RBFOX1: variants seen among roughly 807,000 people sequenced by gnomAD.
The protein encoded by RBFOX1 is RNA binding fox-1 homolog 1.
RBFOX1 carries 8 observed loss-of-function variants against 57.7 expected under a neutral mutation model. The observed-to-expected ratio is 0.14, with a 90% confidence interval of 0.08 to 0.25. The LOEUF (loss-of-function observed/expected upper bound fraction) is 0.25. Ranked by LOEUF, RBFOX1 falls within the 10% of genes least tolerant of loss-of-function variation. The probability of loss-of-function intolerance (pLI) is 1.00; values close to 1 mark genes in which losing one functional copy is unlikely to be tolerated. For missense variants in RBFOX1, 611 were observed against 548.5 expected, an observed-to-expected ratio of 1.11 and a Z score of -1.14; for synonymous variants, 326 against 222.4, an observed-to-expected ratio of 1.47 and a Z score of -4.15.
chr16:7,455,269 C>G (rs150940034), intron 4 of RBFOX1, among the ~76,000 whole-genome samples: 1 of 152,102 alleles, frequency 6.6e-6, no homozygotes, highest in Non-Finnish European at 1.5e-5. Context: ...AATATGTATT[C>G]CTTGGATACA....
chr16:6,288,466 A>C (rs1178418624), intron 1 of RBFOX1, among the ~76,000 whole-genome samples: 1 of 152,188 alleles, frequency 6.6e-6, no homozygotes, highest in Non-Finnish European at 1.5e-5. Context: ...ATTTTAAACA[A>C]ATAAGGTCCA....
At chr16:6,837,829 T>A (rs1363392120) in intron 3 of RBFOX1, among the ~76,000 whole-genome samples, 1 of 152,138 alleles carries the variant, frequency 6.6e-6, no homozygotes, top group East Asian at 1.9e-4. Context: ...CACTTGGGAC[T>A]CCACTTCAGA....
At chr16:7,569,527 C>T (rs1224287758) in intron 5 of RBFOX1, among the ~76,000 whole-genome samples, 2 of 152,154 alleles carry the variant, frequency 1.3e-5, no homozygotes, top group Admixed American at 1.3e-4. Flanking sequence ...TTATACAGGG[C>T]CCACACAGGT....
intron 3 of RBFOX1, among the ~76,000 whole-genome samples, chr16:5,672,246 T>C (rs2050033764): frequency 6.6e-6 from 1 of 152,204 alleles, no homozygotes; most frequent in East Asian, 1.9e-4. Flanking sequence ...TTTGGAACTG[T>C]CTGGGCAGAT....
At chr16:6,042,287 G>T (rs1355637595) in intron 1 of RBFOX1, among the ~76,000 whole-genome samples, 1 of 151,930 alleles carries the variant, frequency 6.6e-6, no homozygotes, top group Non-Finnish European at 1.5e-5. Context: ...TTTTAGTAGA[G>T]ACAGGGTTTC....
At chr16:7,505,265 C>A (rs1379594990) in intron 4 of RBFOX1, among the ~76,000 whole-genome samples, 3 of 149,608 alleles carry the variant, frequency 2.0e-5, no homozygotes, top group African/African-American at 5.0e-5. Flanking sequence ...AAAAGGAAAC[C>A]AGACAAGGTT....
At chr16:7,154,686 TG>T (rs1567484791) in intron 4 of RBFOX1, among the ~76,000 whole-genome samples, 32 of 1,214 alleles carry the variant, frequency 0.026, no homozygotes, top group Non-Finnish European at 0.016. Context: ...CCTCTTCCTT[TG>T]TGTGTGTGTG....
At chr16:6,676,593 C>G (rs1473711753) in intron 3 of RBFOX1, among the ~76,000 whole-genome samples, 3 of 151,478 alleles carry the variant, frequency 2.0e-5, no homozygotes, top group East Asian at 1.9e-4. Context: ...ATAGGACCAG[C>G]TCGGAAAAAA....
At chr16:5,611,680 A>G (rs1391684213) in intron 3 of RBFOX1, among the ~76,000 whole-genome samples, 4 of 145,190 alleles carry the variant, frequency 2.8e-5, no homozygotes, top group Non-Finnish European at 6.1e-5. Context: ...TCATCCATCC[A>G]TCCACCCACT....
intron 3 of RBFOX1, among the ~76,000 whole-genome samples, chr16:6,661,561 G>A (rs1038779057): frequency 1.3e-5 from 2 of 152,284 alleles, no homozygotes; most frequent in East Asian, 1.9e-4. Context: ...GCACCAAGAA[G>A]GTACTTAAAC....
chr16:6,026,804 C>G (rs764661791), intron 1 of RBFOX1, among the ~76,000 whole-genome samples: 1 of 152,218 alleles, frequency 6.6e-6, no homozygotes, highest in African/African-American at 2.4e-5. Flanking sequence ...TATCTAGGCT[C>G]ACGCTCTGAG....
At chr16:5,544,828 C>T (rs1308381626) in intron 2 of RBFOX1, among the ~76,000 whole-genome samples, 3 of 152,016 alleles carry the variant, frequency 2.0e-5, no homozygotes, top group Non-Finnish European at 4.4e-5. Flanking sequence ...ATATAAACTG[C>T]TAAAGCTAAT....
chr16:6,638,280 C>G (rs180999036), intron 2 of RBFOX1, among the ~76,000 whole-genome samples: 1 of 152,230 alleles, frequency 6.6e-6, no homozygotes, highest in East Asian at 1.9e-4. Context: ...GTACATTTTT[C>G]CTATGCTCAT....
At chr16:5,533,741 C>T (rs568607973) in intron 2 of RBFOX1, among the ~76,000 whole-genome samples, 93 of 152,160 alleles carry the variant, frequency 6.1e-4, no homozygotes, top group Admixed American at 2.7e-3. Context: ...TCAAGGTTAC[C>T]GGGGAAATCT....
chr16:6,020,043 C>T, intron 1 of RBFOX1, 51 bp downstream of exon 1: 2 of 1,427,794 alleles, frequency 1.4e-6, no homozygotes, highest in Admixed American at 2.3e-5. Context: ...CCTGGTGGGT[C>T]AGGTCCAGAA....
At chr16:5,336,887 A>G (rs1393383459) in intron 1 of RBFOX1, among the ~76,000 whole-genome samples, 3 of 152,118 alleles carry the variant, frequency 2.0e-5, no homozygotes, top group South Asian at 4.2e-4. Flanking sequence ...ATGGATTTGT[A>G]TGTTCGTCTC....
intron 1 of RBFOX1, among the ~76,000 whole-genome samples, chr16:5,451,017 C>T (rs1358314647): frequency 1.3e-5 from 2 of 152,306 alleles, no homozygotes; most frequent in East Asian, 1.9e-4. Flanking sequence ...AATTAGGTCA[C>T]ATGTAACCTG....
intron 3 of RBFOX1, among the ~76,000 whole-genome samples, chr16:7,045,630 A>G (rs2153715675): frequency 6.6e-6 from 1 of 151,898 alleles, no homozygotes; most frequent in East Asian, 2.0e-4. Context: ...GCAGATGTTA[A>G]AAATATTAAT....
chr16:5,623,644 TC>T (rs2048263763), intron 3 of RBFOX1, among the ~76,000 whole-genome samples: 1 of 151,828 alleles, frequency 6.6e-6, no homozygotes, highest in Non-Finnish European at 1.5e-5. Context: ...GGTTACCCCT[TC>T]CCCCAGCTGC....
Sources: gnomAD v4.1 joint callset for allele counts (sites outside exome capture counted in the v4.1 genomes callset) on GRCh38, gnomAD v4.1.1 for gene constraint, MANE v1.5 for transcripts, NCBI Gene and HGNC (gene_info 2026-07-23, HGNC 2026-07-21) for gene names.